The following SETD2 variants were observed in gnomAD, a reference collection of about 807,000 sequenced individuals.
SETD2 encodes histone-lysine N-methyltransferase SETD2.
SETD2 carries 31 observed loss-of-function variants against 242.1 expected under a neutral mutation model. The ratio of observed to expected loss-of-function variants is 0.13; its 90% CI spans 0.10 to 0.17. The LOEUF (loss-of-function observed/expected upper bound fraction) is 0.17, where lower values mean the gene tolerates loss of function less well. Ranked by LOEUF, SETD2 falls within the 10% of genes least tolerant of loss-of-function variation. SETD2 has a pLI of 1.00. For missense variants in SETD2, 2,481 were observed against 3,046.3 expected (o/e 0.81, Z 4.37); for synonymous variants, 1,006 against 1,066.5 (o/e 0.94, Z 1.11).
chr3:47,163,718 C>T, intron 1 of SETD2, 136 bp downstream of exon 1: 2 of 871,988 alleles, frequency 2.3e-6, no homozygotes, highest in Non-Finnish European at 3.0e-6. Flanking sequence ...GGCCTGCTCC[C>T]GACACCGACC....
chr3:47,094,820 C>T (rs989557272), intron 9 of SETD2, among the ~76,000 whole-genome samples: 1 of 152,144 alleles, frequency 6.6e-6, no homozygotes, highest in Non-Finnish European at 1.5e-5. Context: ...CTGGAGCAAC[C>T]GATGACTGTA....
chr3:47,163,679 C>G, intron 1 of SETD2, 175 bp downstream of exon 1: 3 of 479,374 alleles, frequency 6.3e-6, no homozygotes, highest in East Asian at 4.8e-5. Flanking sequence ...TGCTGCGGCC[C>G]CGGCCAAGCG....
intron 17 of SETD2, among the ~76,000 whole-genome samples, chr3:47,042,300 T>A (rs1378113966): frequency 6.6e-6 from 1 of 152,172 alleles, no homozygotes; most frequent in Non-Finnish European, 1.5e-5. Context: ...AGCAGAAGGT[T>A]GCAGTGAGTT....
Position 47,016,872 on chromosome 3 carries a change from A to AC in SETD2, c.*220_*221insG. The AC allele has an allele frequency of 1.9e-6, 1 of 533,680 alleles. No homozygotes were observed. Among genetic ancestry groups the AC allele is most frequent in the Non-Finnish European group, 3.3e-6 (1 of 298,868 alleles). The allele number at this position is 533,680 out of a possible 1,614,324, so 33.1% of individuals were successfully genotyped here. A position where few individuals can be genotyped will look rare whatever the true frequency, so the allele number is the denominator to read the frequency against. On this transcript the variant is annotated 3_prime_UTR_variant, in exon 21 of 21. Transcript: ENST00000409792. The stretch of plus-strand genomic sequence containing the variant: ...TCTTTTCTAAGCCCTTGCACCTCTG[A>AC]TGGCTTCTAACCACATGCCAACAGC...
chr3:47,064,771 TATATATAAA>T (rs1220759927), intron 13 of SETD2: 2 of 154,250 alleles, frequency 1.3e-5, no homozygotes, highest in South Asian at 2.1e-4. Flanking sequence ...TATATGTAAA[TATATATAAA>T]ATATATAAAA....
chr3:47,055,914 G>C (rs2040037149), intron 15 of SETD2, among the ~76,000 whole-genome samples: 1 of 148,804 alleles, frequency 6.7e-6, no homozygotes, highest in Admixed American at 6.8e-5. Context: ...TCGGGAGCCT[G>C]AGGCAGGAGA....
chr3:47,031,162 G>A (rs1431692964), intron 18 of SETD2, among the ~76,000 whole-genome samples: 1 of 152,166 alleles, frequency 6.6e-6, no homozygotes, highest in African/African-American at 2.4e-5. Flanking sequence ...TATTCTGTAC[G>A]TTACTATGAT....
At chr3:47,103,528 T>C (rs923906172) in intron 6 of SETD2, 105 bp from the exon 7 acceptor site, 7 of 864,090 alleles carry the variant, frequency 8.1e-6, no homozygotes, top group African/African-American at 3.4e-5. Flanking sequence ...AAAAAAAAGA[T>C]TGTGCTGCGA....
intron 18 of SETD2, among the ~76,000 whole-genome samples, chr3:47,024,166 C>T (rs2038362557): frequency 6.6e-6 from 1 of 152,044 alleles, no homozygotes; most frequent in Non-Finnish European, 1.5e-5. Flanking sequence ...AAAGCAAAAC[C>T]CCATCTCTAT....
At chr3:47,150,401 T>C (rs1446635061) in intron 1 of SETD2, among the ~76,000 whole-genome samples, 4 of 152,054 alleles carry the variant, frequency 2.6e-5, no homozygotes, top group Non-Finnish European at 5.9e-5. Flanking sequence ...GCCCGTAATA[T>C]TTTGCCCATA....
intron 18 of SETD2, among the ~76,000 whole-genome samples, chr3:47,033,520 A>G (rs1245205323): frequency 6.6e-6 from 1 of 152,098 alleles, no homozygotes; most frequent in East Asian, 1.9e-4. Context: ...CTAAGAACTG[A>G]GGGGGACTCA....
intron 19 of SETD2, 72 bp downstream of exon 19, chr3:47,019,688 A>T: frequency 7.7e-7 from 1 of 1,291,886 alleles, no homozygotes; most frequent in Non-Finnish European, 1.1e-6. Flanking sequence ...TATTCGACAT[A>T]CTTAGGACAA....
At chr3:47,148,560 C>A (rs1419068594) in intron 1 of SETD2, among the ~76,000 whole-genome samples, 8 of 152,192 alleles carry the variant, frequency 5.3e-5, no homozygotes, top group Admixed American at 5.2e-4. Flanking sequence ...TTTATACCTT[C>A]TTTCTACCTC....
At chr3:47,034,739 G>A (rs969169684) in intron 18 of SETD2, among the ~76,000 whole-genome samples, 6 of 152,084 alleles carry the variant, frequency 3.9e-5, no homozygotes, top group African/African-American at 9.7e-5. Context: ...ATATAATACC[G>A]TACATTTTCA....
intron 9 of SETD2, among the ~76,000 whole-genome samples, chr3:47,092,322 G>A (rs2107661240): frequency 6.6e-6 from 1 of 152,220 alleles, no homozygotes; most frequent in African/African-American, 2.4e-5. Context: ...GTACCTGGGA[G>A]ACAGAGGTGG....
intron 1 of SETD2, among the ~76,000 whole-genome samples, chr3:47,159,020 A>G (rs1415779792): frequency 6.6e-6 from 1 of 152,122 alleles, no homozygotes; most frequent in African/African-American, 2.4e-5. Flanking sequence ...GTACACATCT[A>G]TAGTTCCAGC....
intron 12 of SETD2, among the ~76,000 whole-genome samples, chr3:47,076,074 G>A (rs1312237874): frequency 6.6e-6 from 1 of 152,086 alleles, no homozygotes; most frequent in African/African-American, 2.4e-5. Flanking sequence ...ACTATAAAAT[G>A]TTATCTGCCT....
rs76997540 is a variant in SETD2 at position 47,104,626 on chromosome 3, T to C, written c.4840-1203A>G. Among the ~76,000 whole-genome samples the C allele has an allele frequency of 7.6e-4, 116 of 152,366 alleles. 2 individuals are homozygous for C. In the East Asian group the frequency reaches 0.021, roughly 28 times the overall value. On this transcript the variant is annotated intron_variant, in intron 6 of 20. Transcript: ENST00000409792. ...CTATTGTTACAGTTAAGTCCTCACT[T>C]AAAGTCATCAACAGGTTCTTTGAAA...
chr3:47,064,256 A>G (rs941552983), intron 13 of SETD2, among the ~76,000 whole-genome samples: 1 of 152,202 alleles, frequency 6.6e-6, no homozygotes, highest in Non-Finnish European at 1.5e-5. Context: ...CAAAACCCCA[A>G]GTATTTGCAA....
Sources: allele counts gnomAD v4.1 joint callset (sites outside exome capture counted in the v4.1 genomes callset), GRCh38; gene constraint gnomAD v4.1.1; transcripts MANE v1.5; gene names NCBI Gene and HGNC (gene_info 2026-07-23, HGNC 2026-07-21).